ZCWPW2: variants seen among roughly 807,000 people sequenced by gnomAD.
ZCWPW2 encodes the protein zinc finger CW-type PWWP domain protein 2.
In ZCWPW2, 45 loss-of-function variants were observed where a neutral mutation model predicts 46.6. The ratio of observed to expected loss-of-function variants is 0.96; its 90% CI spans 0.76 to 1.24. The LOEUF (loss-of-function observed/expected upper bound fraction) is 1.24, where lower values mean the gene tolerates loss of function less well. Ranked by LOEUF, ZCWPW2 falls within the 50% of genes most tolerant of loss-of-function variation. ZCWPW2 has a pLI of 0.00. For missense variants in ZCWPW2, 429 were observed against 403.9 expected (o/e 1.06, Z -0.53); for synonymous variants, 152 against 137.1 (o/e 1.11, Z -0.76).
chr3:28,377,672 C>G (rs1705546886), intron 1 of ZCWPW2, among the ~76,000 whole-genome samples: 1 of 151,986 alleles, frequency 6.6e-6, no homozygotes, highest in Non-Finnish European at 1.5e-5. Context: ...ATTTTGTATT[C>G]TGATTCATTC....
At chr3:28,507,968 G>A (rs1298452407) in intron 6 of ZCWPW2, among the ~76,000 whole-genome samples, 4 of 152,002 alleles carry the variant, frequency 2.6e-5, no homozygotes, top group African/African-American at 9.7e-5. Context: ...ATTTAGTGTT[G>A]CTATAAAGGA....
At chr3:28,469,144 GTGT>G (rs768065770) in intron 4 of ZCWPW2, among the ~76,000 whole-genome samples, 13 of 152,212 alleles carry the variant, frequency 8.5e-5, no homozygotes, top group African/African-American at 2.6e-4. Context: ...CATGTAAGCA[GTGT>G]TGTTATCAGC....
intron 1 of ZCWPW2, among the ~76,000 whole-genome samples, chr3:28,363,617 C>G (rs1012811061): frequency 6.6e-6 from 1 of 152,058 alleles, no homozygotes; most frequent in Non-Finnish European, 1.5e-5. Flanking sequence ...AATCCAGAGC[C>G]CACACCCCAC....
chr3:28,370,633 TG>T (rs1316310518), intron 1 of ZCWPW2, among the ~76,000 whole-genome samples: 7 of 152,252 alleles, frequency 4.6e-5, no homozygotes, highest in African/African-American at 1.7e-4. Context: ...ATCCTTAAAC[TG>T]GATGTTGGTT....
At chr3:28,492,079 A>G (rs1286937032) in intron 5 of ZCWPW2, 48 bp from the exon 6 acceptor site, 7 of 1,566,828 alleles carry the variant, frequency 4.5e-6, no homozygotes, top group East Asian at 4.5e-5. Flanking sequence ...TTATTTGAAC[A>G]GGAACATAGG....
chr3:28,420,249 C>T (rs1396892624), intron 3 of ZCWPW2, among the ~76,000 whole-genome samples: 1 of 152,050 alleles, frequency 6.6e-6, no homozygotes, highest in Non-Finnish European at 1.5e-5. Flanking sequence ...AGTTTTAGAT[C>T]TTTCCTGCTT....
chr3:28,478,232 A>T (rs1699300501), intron 4 of ZCWPW2: 1 of 233,480 alleles, frequency 4.3e-6, no homozygotes, highest in South Asian at 4.5e-5. Flanking sequence ...ATGTGAATAG[A>T]ATTTTTTATT....
chr3:28,430,785 T>C (rs557203461), intron 3 of ZCWPW2, among the ~76,000 whole-genome samples: 1 of 152,242 alleles, frequency 6.6e-6, no homozygotes, highest in East Asian at 1.9e-4. Flanking sequence ...ATAAGGAGCT[T>C]TCCCCCCTTC....
intron 6 of ZCWPW2, among the ~76,000 whole-genome samples, chr3:28,493,132 T>TA (rs1449179665): frequency 8.9e-6 from 1 of 112,402 alleles, no homozygotes; most frequent in African/African-American, 3.4e-5. Context: ...TATTTTTTTT[T>TA]ATTTTATTTT....
intron 4 of ZCWPW2, among the ~76,000 whole-genome samples, chr3:28,470,680 G>A (rs1699008472): frequency 1.3e-5 from 2 of 151,726 alleles, no homozygotes; most frequent in Admixed American, 1.3e-4. Context: ...ACATTGTAAA[G>A]TACTAAAAAA....
intron 4 of ZCWPW2, among the ~76,000 whole-genome samples, chr3:28,461,341 A>G (rs2125788395): frequency 6.6e-6 from 1 of 152,230 alleles, no homozygotes; most frequent in African/African-American, 2.4e-5. Context: ...TTTTTTGTAT[A>G]ATATTATACT....
intron 9 of ZCWPW2, among the ~76,000 whole-genome samples, chr3:28,524,271 T>C (rs1168485184): frequency 6.6e-6 from 1 of 152,012 alleles, no homozygotes; most frequent in African/African-American, 2.4e-5. Flanking sequence ...ATTAGAATTA[T>C]CACATTTTTC....
intron 5 of ZCWPW2, among the ~76,000 whole-genome samples, chr3:28,481,191 A>G (rs920419942): frequency 6.6e-6 from 1 of 152,118 alleles, no homozygotes; most frequent in African/African-American, 2.4e-5. Flanking sequence ...ATCTATGGAT[A>G]TGACACATTT....
intron 2 of ZCWPW2, among the ~76,000 whole-genome samples, chr3:28,392,532 A>G (rs1695535492): frequency 6.6e-6 from 1 of 152,198 alleles, no homozygotes; most frequent in African/African-American, 2.4e-5. Context: ...TCACACATGC[A>G]CAGAACATTC....
intron 2 of ZCWPW2, among the ~76,000 whole-genome samples, chr3:28,404,933 A>G (rs1696099958): frequency 6.6e-6 from 1 of 152,152 alleles, no homozygotes; most frequent in Admixed American, 6.6e-5. Flanking sequence ...TGCATTGTAT[A>G]CTGCTTGGAT....
At chr3:28,519,948 T>TG (rs1700677444) in intron 8 of ZCWPW2, among the ~76,000 whole-genome samples, 1 of 151,862 alleles carries the variant, frequency 6.6e-6, no homozygotes, top group South Asian at 2.1e-4. Flanking sequence ...ATTTCTTTGG[T>TG]GGGGATATTG....
rs1196273170 is a variant in ZCWPW2 at position 28,355,212 on chromosome 3, GACAA to G, written c.-134+6013_-134+6016del. On this transcript the variant is annotated intron_variant, in intron 1 of 9. Coordinates refer to ENST00000383768, the MANE Select transcript of ZCWPW2 (RefSeq NM_001040432.4). ...CAAGCATTCTTATACACCAATAACAGACAAACAGTCAAATCATGAGTGAACTCCC... is the reference window on the plus strand; with the variant it reads ...CAAGCATTCTTATACACCAATAACAGACAGTCAAATCATGAGTGAACTCCC... Among the ~76,000 whole-genome samples the G allele has an allele frequency of 1.6e-3, 248 of 152,238 alleles. 2 individuals are homozygous for G. The highest frequency in any genetic ancestry group is 5.5e-3 in the African/African-American group (229 of 41,530).
At chr3:28,449,233 G>A (rs1057360017) in intron 4 of ZCWPW2, among the ~76,000 whole-genome samples, 6 of 152,006 alleles carry the variant, frequency 3.9e-5, no homozygotes, top group African/African-American at 1.2e-4. Context: ...GTACAAAAAC[G>A]ACCTCATAAC....
At chr3:28,477,825 A>G (rs1329013179) in intron 4 of ZCWPW2, among the ~76,000 whole-genome samples, 1 of 152,176 alleles carries the variant, frequency 6.6e-6, no homozygotes, top group Non-Finnish European at 1.5e-5. Context: ...CTGGTATTCA[A>G]AATGAAAATG....
Sources: allele counts gnomAD v4.1 joint callset (sites outside exome capture counted in the v4.1 genomes callset), GRCh38; gene constraint gnomAD v4.1.1; transcripts MANE v1.5; gene names NCBI Gene and HGNC (gene_info 2026-07-23, HGNC 2026-07-21).